The following ARHGAP45 variants were observed in gnomAD, a reference collection of about 807,000 sequenced individuals.
The protein encoded by ARHGAP45 is Rho GTPase activating protein 45.
ARHGAP45 carries 56 observed loss-of-function variants against 116.1 expected under a neutral mutation model. The observed-to-expected ratio is 0.48, with a 90% CI of 0.39 to 0.60. The LOEUF is 0.60. Ranked by LOEUF, ARHGAP45 falls within the 20% of genes least tolerant of loss-of-function variation. The pLI, the probability that ARHGAP45 is intolerant of heterozygous loss-of-function variation, is 0.00. For synonymous variants in ARHGAP45, 866 were observed against 701.7 expected (o/e 1.23, Z -3.70); for missense variants, 1,622 against 1,601.0 (o/e 1.01, Z -0.22).
At position 1,085,794 on chromosome 19, in the gene ARHGAP45, G is replaced by A. The variant is rs751416873; in HGVS notation, c.3199G>A (p.Ala1067Thr). The part of the protein sequence containing the change: ...QQQSEASLEV[A>T]SGSHSGSEEQ... ...GCAGAGCGAGGCCAGCCTAGAGGTG[G>A]CTTCTGGCAGCCACAGCGGCAGTGA... Residue 1067 changes from alanine to threonine, a missense_variant, in exon 23 of 23, where the codon GCT becomes ACT. Physicochemically the swap from Ala to Thr is moderately conservative, Grantham distance 58 (BLOSUM62 0). This residue lies in a region of ARHGAP45 where 1,334 missense variants were observed against 1,263.8 expected (regional missense o/e 1.06). Coordinates refer to ENST00000313093, the MANE Select transcript of ARHGAP45 (RefSeq NM_012292.5). The A allele has an allele frequency of 1.2e-6, 2 of 1,612,812 alleles. No individual in the cohort carries two copies. The highest frequency in any genetic ancestry group is 2.2e-5 in the East Asian group (1 of 44,880).
rs1392567230 is a variant in ARHGAP45, at chr19:1,081,606, C to G, written c.2247C>G (p.His749Gln). Reference protein sequence around the residue: ...CLETLAIQCGHKKLQGRLQLF... With the variant: ...CLETLAIQCGQKKLQGRLQLF... ...AGACGCTGGCCATACAGTGCGGGCA[C>G]AAGAAGCTGCAAGGCCGCCTGCAGC... The change falls in exon 18 of 23, where the codon CAC (histidine) becomes CAG (glutamine). Residue 749 changes from histidine (H) to glutamine (Q), a missense_variant. Coordinates refer to ENST00000313093, the MANE Select transcript of ARHGAP45 (RefSeq NM_012292.5). The G allele has an allele frequency of 1.3e-6, 2 of 1,551,872 alleles. No individual in the cohort carries two copies. Among genetic ancestry groups the G allele is most frequent in the East Asian group, 2.4e-5 (1 of 41,892 alleles).
Position 1,080,889 on chromosome 19 carries a change from C to A in ARHGAP45, c.2018-3C>A. 3 of 1,607,856 alleles carry A rather than the reference C, an allele frequency of 1.9e-6. No individual in the cohort carries two copies. The highest frequency in any genetic ancestry group is 2.5e-6 in the Non-Finnish European group (3 of 1,177,130). On this transcript the variant is annotated splice_polypyrimidine_tract_variant and splice_region_variant and intron_variant, in intron 16 of 22. Coordinates refer to ENST00000313093, the MANE Select transcript of ARHGAP45 (RefSeq NM_012292.5). ...TGACACCGGCTGCCTGTGCTGCCCG[C>A]AGCTGACCTCAACGGCATGACCCCC...
In ARHGAP45 at chr19:1,077,930, G is replaced by A. The variant is rs1363097689; in HGVS notation, c.1259G>A (p.Arg420His). 3.9e-6 allele frequency: 6 copies of A among 1,553,418 alleles called. No homozygotes were observed. Among genetic ancestry groups the A allele is most frequent in the Middle Eastern group, 1.7e-4 (1 of 6,014 alleles). ...VQRCEDHDKARFLVAKAEEEQ... is the reference protein window; with the variant it reads ...VQRCEDHDKAHFLVAKAEEEQ... ...CGCTGCGAGGACCACGACAAGGCTC[G>A]CTTCCTCGTGGCCAAGGCGGAGGAG... is the stretch of plus-strand genomic sequence containing the variant. The change falls in exon 11 of 23, where the codon CGC becomes CAC. Residue 420 changes from arginine to histidine, a missense_variant. This residue lies in a region of ARHGAP45 where 1,334 missense variants were observed against 1,263.8 expected (regional missense o/e 1.06). Coordinates refer to ENST00000313093, the MANE Select transcript of ARHGAP45 (RefSeq NM_012292.5).
intron 10 of ARHGAP45, among the ~76,000 whole-genome samples, chr19:1,075,312 G>A (rs1442326369): frequency 1.4e-5 from 2 of 142,810 alleles, no homozygotes; most frequent in Non-Finnish European, 3.0e-5. Context: ...GCACCATCTA[G>A]GCTTTCACTG....
Position 1,081,707 on chromosome 19 carries a change from G to GCGAGAT in ARHGAP45, c.2353_2358dup (p.Ile785_Glu786dup). On this transcript the variant is annotated inframe_insertion, in exon 18 of 23. Coordinates refer to ENST00000313093, the MANE Select transcript of ARHGAP45 (RefSeq NM_012292.5). ...CCCTTCATCGTCAAGAAGTGCGTCT[G>GCGAGAT]CGAGATCGAGCGGCGGGCGCTGCGC... The GCGAGAT allele has an allele frequency of 6.3e-7, 1 of 1,585,998 alleles. No individual in the cohort carries two copies. The highest frequency in any genetic ancestry group is 8.6e-7 in the Non-Finnish European group (1 of 1,165,714).
At chr19:1,084,977 G>A (rs2043561337) in intron 22 of ARHGAP45, among the ~76,000 whole-genome samples, 1 of 152,162 alleles carries the variant, frequency 6.6e-6, no homozygotes, top group Admixed American at 6.5e-5. Flanking sequence ...AGCTACTCAG[G>A]AGGCTGAAGC....
rs1423425165 is a variant in ARHGAP45 at position 1,071,115 on chromosome 19, A to G, written c.422-2034A>G. Reference sequence around the variant, plus strand: ...CCGTCCTCGACCCTCCCCACCTCGAAGCTCTGCGGTTAAGGAAGGACCCAG... The same window carrying G: ...CCGTCCTCGACCCTCCCCACCTCGAGGCTCTGCGGTTAAGGAAGGACCCAG... On this transcript the variant is annotated intron_variant, in intron 2 of 22. Transcript: ENST00000313093. The surrounding 1 kb of genome is among the most constrained non-coding windows in gnomAD (Gnocchi z 4.6). The G allele has an allele frequency of 6.1e-6, 7 of 1,151,024 alleles. No homozygotes were observed. Among genetic ancestry groups the G allele is most frequent in the South Asian group, 1.9e-5 (1 of 52,486 alleles). 71.3% of individuals were successfully genotyped at this position (1,151,024 alleles called of 1,614,324 possible).
upstream of ARHGAP45, chr19:1,065,982 G>A (rs148921927): frequency 1.3e-3 from 2,039 of 1,525,294 alleles, 32 homozygotes; most frequent in African/African-American, 0.024. Flanking sequence ...AAGCCCATCC[G>A]ACATCCAGCT....
rs748300889 is a variant in ARHGAP45, at chr19:1,079,886, C to T, written c.1513-42C>T. The T allele has an allele frequency of 2.2e-5, 35 of 1,591,660 alleles. 1 individual carries two copies. In the South Asian group the frequency reaches 3.3e-4, roughly 15 times the overall value. On this transcript the variant is annotated intron_variant, in intron 12 of 22. Transcript: ENST00000313093. Reference sequence around the variant, plus strand: ...GCCCGGGCGGGGATGGTGGACCGGGCGGCCTCCTCCTGACCCCTCCGCTCT... The same window carrying T: ...GCCCGGGCGGGGATGGTGGACCGGGTGGCCTCCTCCTGACCCCTCCGCTCT...
Position 1,071,576 on chromosome 19 carries a change from G to A in ARHGAP45, c.422-1573G>A. 5.3e-6 allele frequency: 1 copy of A among 190,074 alleles called. No individual in the cohort carries two copies. The highest frequency in any genetic ancestry group is 9.8e-6 in the Non-Finnish European group (1 of 102,068). 11.8% of individuals were successfully genotyped at this position (190,074 alleles called of 1,614,324 possible). ...CCGGGGGTCCGTGCGCCGGCCGCGC[G>A]CGGAGTGCCGGGTGCCCGGCTGGAA... On this transcript the variant is annotated intron_variant, in intron 2 of 22. Coordinates refer to ENST00000313093, the MANE Select transcript of ARHGAP45 (RefSeq NM_012292.5). The surrounding 1 kb of genome is among the most constrained non-coding windows in gnomAD (Gnocchi z 4.6).
rs147326222 is a variant in ARHGAP45, at chr19:1,082,881, C to T, written c.2559C>T (p.Leu853=). ...TCTCCTTCCGCCTCTACCACGAGCT[C>T]GTAGGGCTGGCCAAGGACAGCCTGA... ...PLISFRLYHE[L]VGLAKDSLKA... Residue 853 remains leucine, a synonymous_variant, in exon 20 of 23, where the codon CTC becomes CTT. Coordinates refer to ENST00000313093, the MANE Select transcript of ARHGAP45 (RefSeq NM_012292.5). The T allele has an allele frequency of 5.7e-4, 897 of 1,581,744 alleles. 1 individual carries two copies. In the African/African-American group the frequency reaches 0.011, roughly 19 times the overall value.
chr19:1,074,222 G>A lies in ARHGAP45; in HGVS notation c.909G>A (p.Leu303=). The change falls in exon 7 of 23, where the codon CTG becomes CTA. Residue 303 remains leucine, a synonymous_variant. Transcript: ENST00000313093. The part of the protein sequence containing the change: ...AKYMKDLISY[L]EKRTTLEMEF... ...ACATGAAGGACCTCATCAGCTACCT[G>A]GAGAAGCGGACGACGCTGGGTGAGA... The A allele has an allele frequency of 6.2e-7, 1 of 1,613,300 alleles. No homozygotes were observed. Among genetic ancestry groups the A allele is most frequent in the Non-Finnish European group, 8.5e-7 (1 of 1,179,982 alleles).
At position 1,067,264 on chromosome 19, in the gene ARHGAP45, G is replaced by A. The variant is rs2043053391; in HGVS notation, c.-142G>A. ...TTCCTGTTGGGGGGAGGGCCCGCCA[G>A]TGACGGCCGGGCCTGTCACGTGGGC... is the stretch of plus-strand genomic sequence containing the variant. On this transcript the variant is annotated 5_prime_UTR_variant, in exon 1 of 23. The change creates a new upstream start codon in the 5' untranslated region. Coordinates refer to ENST00000313093, the MANE Select transcript of ARHGAP45 (RefSeq NM_012292.5). 10 of 1,390,312 alleles carry A rather than the reference G, an allele frequency of 7.2e-6. No individual in the cohort carries two copies. Among genetic ancestry groups the A allele is most frequent in the Non-Finnish European group, 9.3e-6 (10 of 1,074,452 alleles). 86.1% of individuals were successfully genotyped at this position (1,390,312 alleles called of 1,614,324 possible). A position where few individuals can be genotyped will look rare whatever the true frequency, so the allele number is the denominator to read the frequency against.
At chr19:1,067,635 G>T in intron 1 of ARHGAP45, 140 bp downstream of exon 1, 2 of 848,830 alleles carry the variant, frequency 2.4e-6, no homozygotes, top group South Asian at 1.4e-5. Flanking sequence ...GACGGCAGGG[G>T]CCACAGCAGA....
In ARHGAP45 at chr19:1,074,619, C is replaced by T. The variant is rs1198904461; in HGVS notation, c.999C>T (p.His333=). Residue 333 remains histidine (H), a synonymous_variant, in exon 9 of 23, where the codon CAC becomes CAT. Transcript: ENST00000313093. ...NCRQSVMQEP[H]MPLLSIYSLA... is the part of the protein sequence containing the mutation. Reference sequence around the variant, plus strand: ...AGCCGGTGCCCCACCCACAGCCCCACATGCCGCTCCTGTCCATCTACTCGC... The same window carrying T: ...AGCCGGTGCCCCACCCACAGCCCCATATGCCGCTCCTGTCCATCTACTCGC... 16 of 1,585,300 alleles carry T rather than the reference C, an allele frequency of 1.0e-5. No homozygotes were observed. The highest frequency in any genetic ancestry group is 2.3e-5 in the East Asian group (1 of 43,686).
At position 1,074,431 on chromosome 19, in the gene ARHGAP45, C is replaced by T. The variant is rs200347805; in HGVS notation, c.993+24C>T. 394 of 1,499,006 alleles carry T rather than the reference C, an allele frequency of 2.6e-4. 1 individual carries two copies. The highest frequency in any genetic ancestry group is 2.9e-4 in the Non-Finnish European group (325 of 1,120,946). The allele number at this position is 1,499,006 out of a possible 1,614,324, so 92.9% of individuals were successfully genotyped here. A position where few individuals can be genotyped will look rare whatever the true frequency, so the allele number is the denominator to read the frequency against. ...AGGTGGGGGCCCCGCGGGCACGGGGCGGGGGTCCCTGGGCCCGGGTGTGAG... is the reference window on the plus strand; with the variant it reads ...AGGTGGGGGCCCCGCGGGCACGGGGTGGGGGTCCCTGGGCCCGGGTGTGAG... On this transcript the variant is annotated intron_variant, in intron 8 of 22. Transcript: ENST00000313093.
upstream of ARHGAP45, chr19:1,066,197 G>T (rs1425007657): frequency 6.6e-6 from 10 of 1,513,022 alleles, no homozygotes; most frequent in Non-Finnish European, 7.9e-6. Flanking sequence ...AAGGAAAGAG[G>T]TTGGGGTTTT....
Position 1,071,934 on chromosome 19 carries a change from C to T in ARHGAP45, c.422-1215C>T, listed in dbSNP as rs998240170. Among the ~76,000 whole-genome samples, 1 of 152,208 alleles carries T rather than the reference C, an allele frequency of 6.6e-6. No homozygotes were observed. The highest frequency in any genetic ancestry group is 2.4e-5 in the African/African-American group (1 of 41,440). ...CCTCTGTCCTCCCGGGTACCTTTCC[C>T]CTCCTACGAATTCCGTGGGTTTGTT... On this transcript the variant is annotated intron_variant, in intron 2 of 22. Transcript: ENST00000313093. This position sits in a 1 kb window ranked among gnomAD's most constrained non-coding sequence, Gnocchi z 4.6.
In ARHGAP45 at chr19:1,083,152, G is replaced by A. The variant is rs1442352292; in HGVS notation, c.2754G>A (p.Glu918=). 1 of 1,608,578 alleles carries A rather than the reference G, an allele frequency of 6.2e-7. No homozygotes were observed. The highest frequency in any genetic ancestry group is 2.2e-5 in the East Asian group (1 of 44,826). The change falls in exon 21 of 23, where the codon GAG becomes GAA. Residue 918 remains glutamate (E), a synonymous_variant. Coordinates refer to ENST00000313093, the MANE Select transcript of ARHGAP45 (RefSeq NM_012292.5). ...CCTGCCCACCCCGCAGGATCGTGGA[G>A]GTGGAGCAGGACAACAAGATGACCC... ...YLLRHLRRIV[E]VEQDNKMTPG...
Sources: gnomAD v4.1 joint callset for allele counts (sites outside exome capture counted in the v4.1 genomes callset) on GRCh38, gnomAD v4.1.1 for gene constraint, gnomAD v4.1.1 regional missense constraint, Gnocchi (gnomAD v3.1) non-coding constraint, MANE v1.5 for transcripts, NCBI Gene and HGNC (gene_info 2026-07-23, HGNC 2026-07-21) for gene names.